The following COCH variants were observed in gnomAD, a reference collection of about 807,000 sequenced individuals.
COCH encodes cochlin, also known as coagulation factor C homolog, cochlin (Limulus polyphemus).
Under a neutral mutation model 54.8 loss-of-function variants are expected in COCH, and 40 were observed. That is an observed-to-expected ratio of 0.73 (90% CI 0.57 to 0.95). The LOEUF is 0.95. Ranked by LOEUF, COCH falls within the 40% of genes least tolerant of loss-of-function variation. The pLI, the probability that COCH is intolerant of heterozygous loss-of-function variation, is 0.00. For missense variants in COCH, 605 were observed against 675.0 expected, an observed-to-expected ratio of 0.90 and a Z score of 1.15; for synonymous variants, 256 against 237.9, an observed-to-expected ratio of 1.08 and a Z score of -0.70.
Position 30,886,169 on chromosome 14 carries a change from C to CAACAT in COCH, c.1334_1335insAACAT (p.Gly447LeufsTer17). ...ATCCGCTATATGAGTGGTGGAACAG[C>CAACAT]TACTGGTGATGCCATTTCCTTCACT... On this transcript the variant is annotated frameshift_variant, in exon 11 of 12. Transcript: ENST00000396618. LOFTEE classifies it high-confidence loss of function. 6.2e-7 allele frequency: 1 copy of CAACAT among 1,610,732 alleles called. No homozygotes were observed. Among genetic ancestry groups the CAACAT allele is most frequent in the Non-Finnish European group, 8.5e-7 (1 of 1,177,380 alleles).
chr14:30,877,339 A>C lies in COCH; in HGVS notation c.83-233A>C, dbSNP rs1019014053. On this transcript the variant is annotated intron_variant, in intron 3 of 11. Coordinates refer to ENST00000396618, the MANE Select transcript of COCH (RefSeq NM_004086.3). The surrounding 1 kb of genome is among the most constrained non-coding windows in gnomAD (Gnocchi z 8.6). Reference sequence around the variant, plus strand: ...TTTCAAAAACAAAAACGAAATAAAAACCCAGAACTTTCACATTAGAGTTTT... The same window carrying C: ...TTTCAAAAACAAAAACGAAATAAAACCCCAGAACTTTCACATTAGAGTTTT... 5 of 520,790 alleles carry C rather than the reference A, an allele frequency of 9.6e-6. 1 individual carries two copies. Among genetic ancestry groups the C allele is most frequent in the Non-Finnish European group, 1.7e-5 (5 of 296,720 alleles). 32.3% of individuals were successfully genotyped at this position (520,790 alleles called of 1,614,324 possible). A position where few individuals can be genotyped will look rare whatever the true frequency, so the allele number is the denominator to read the frequency against.
chr14:30,886,321 CT>C lies in COCH; in HGVS notation c.1477+11del. 6.2e-7 allele frequency: 1 copy of C among 1,613,924 alleles called. No individual in the cohort carries two copies. Among genetic ancestry groups the C allele is most frequent in the Non-Finnish European group, 8.5e-7 (1 of 1,179,964 alleles). ...TGCTGCACATGATGCAGGTAAGGTC[CT>C]TGTTCTTTATAGGAGAAGGGAACAG... On this transcript the variant is annotated intron_variant, in intron 11 of 11. Transcript: ENST00000396618.
In COCH at chr14:30,882,775, G is replaced by A. The variant is rs184805146; in HGVS notation, c.630-1778G>A. Among the ~76,000 whole-genome samples, 23 of 152,238 alleles carry A rather than the reference G, an allele frequency of 1.5e-4. No individual in the cohort carries two copies. In the East Asian group the frequency reaches 3.9e-3, roughly 26 times the overall value. On this transcript the variant is annotated intron_variant, in intron 8 of 11. Transcript: ENST00000396618. Reference sequence around the variant, plus strand: ...ACAGTGGCTCATGCCTGTAGTGCCAGCTGCTCAGGAGGCTGAGGTGTGAGG... The same window carrying A: ...ACAGTGGCTCATGCCTGTAGTGCCAACTGCTCAGGAGGCTGAGGTGTGAGG...
In COCH at chr14:30,889,983, T is replaced by TA; in HGVS notation, c.*197dup. The TA allele has an allele frequency of 7.5e-7, 1 of 1,334,356 alleles. No homozygotes were observed. Among genetic ancestry groups the TA allele is most frequent in the South Asian group, 1.9e-5 (1 of 52,372 alleles). The allele number at this position is 1,334,356 out of a possible 1,614,324, so 82.7% of individuals were successfully genotyped here. On this transcript the variant is annotated 3_prime_UTR_variant, in exon 12 of 12. Coordinates refer to ENST00000396618, the MANE Select transcript of COCH (RefSeq NM_004086.3). ...GGTTACAATTTACAGTGTACTTTGT[T>TA]AAAAACACTGCTGAGGCTTCATAAT...
rs751416019 is a variant in COCH, at chr14:30,885,633, G to C, written c.960+13G>C. On this transcript the variant is annotated intron_variant, in intron 10 of 11. Coordinates refer to ENST00000396618, the MANE Select transcript of COCH (RefSeq NM_004086.3). ...ATTTGTTGACAAGGTAAAGTGGTGA[G>C]GGTTATCTTCTGTTACAGTGATGGG... The C allele has an allele frequency of 6.5e-7, 1 of 1,543,412 alleles. No homozygotes were observed. Among genetic ancestry groups the C allele is most frequent in the Non-Finnish European group, 9.0e-7 (1 of 1,115,602 alleles).
At position 30,878,740 on chromosome 14, in the gene COCH, T is replaced by C. The variant is rs1276075198; in HGVS notation, c.240-71T>C. The C allele has an allele frequency of 1.2e-5, 20 of 1,606,508 alleles. No individual in the cohort carries two copies. The South Asian group carries it at 2.1e-4, about 17-fold the overall frequency. On this transcript the variant is annotated intron_variant, in intron 4 of 11. Coordinates refer to ENST00000396618, the MANE Select transcript of COCH (RefSeq NM_004086.3). ...ATTAATCAAAGCAATAGATACAACA[T>C]GGCACTATAAGTCAGTGGGATGCCC...
In COCH at chr14:30,877,838, T is replaced by C; in HGVS notation, c.239+110T>C. 2 of 1,544,862 alleles carry C rather than the reference T, an allele frequency of 1.3e-6. No homozygotes were observed. Among genetic ancestry groups the C allele is most frequent in the Non-Finnish European group, 1.8e-6 (2 of 1,138,042 alleles). The stretch of plus-strand genomic sequence containing the variant: ...CCTGCATTCTTTCTTTTGTTGCCAT[T>C]GTGGCCACAGAAAATGGATATATTT... On this transcript the variant is annotated intron_variant, in intron 4 of 11. Coordinates refer to ENST00000396618, the MANE Select transcript of COCH (RefSeq NM_004086.3). The surrounding 1 kb of genome is among the most constrained non-coding windows in gnomAD (Gnocchi z 8.6).
intron 11 of COCH, 162 bp from the exon 12 acceptor site, chr14:30,889,454 A>C: frequency 1.5e-6 from 1 of 660,256 alleles, no homozygotes; most frequent in Non-Finnish European, 2.6e-6. Flanking sequence ...CTCTCGTCAC[A>C]ATGACTGTGA....
At chr14:30,894,893 CTTTTTTTTT>C (rs34255465), downstream of COCH, 1 of 708,550 alleles carries the variant, frequency 1.4e-6, no homozygotes, top group Middle Eastern at 4.6e-4. Flanking sequence ...TTTTCTTTTT[CTTTTTTTTT>C]TTTTTTAAAG....
chr14:30,895,053 CAAAAAAAAAAAAA>C (rs35858438), downstream of COCH: 90 of 26,564 alleles, frequency 3.4e-3, 3 homozygotes, highest in African/African-American at 0.014. Context: ...ACACAGAGTC[CAAAAAAAAAAAAA>C]AAAAAAAAAA....
At chr14:30,878,337 A>T (rs1895444275) in intron 4 of COCH, among the ~76,000 whole-genome samples, 1 of 152,138 alleles carries the variant, frequency 6.6e-6, no homozygotes, top group South Asian at 2.1e-4. Flanking sequence ...TTTCCAGGCA[A>T]ATTTTGTTCT....
At chr14:30,891,514 A>AAAAT (rs1266089078), downstream of COCH, among the ~76,000 whole-genome samples, 3 of 152,236 alleles carry the variant, frequency 2.0e-5, no homozygotes, top group African/African-American at 7.2e-5. Flanking sequence ...TTTGAATTTG[A>AAAAT]AAATAGAGTT....
chr14:30,888,856 T>C (rs1895884399), intron 11 of COCH, among the ~76,000 whole-genome samples: 2 of 151,364 alleles, frequency 1.3e-5, no homozygotes, highest in Non-Finnish European at 2.9e-5. Flanking sequence ...ATCCAACTAA[T>C]GTATTATTAC....
At position 30,885,790 on chromosome 14, in the gene COCH, C is replaced by CATTA. The variant is rs766663765; in HGVS notation, c.961-5_961-2dup. 1 of 1,613,882 alleles carries CATTA rather than the reference C, an allele frequency of 6.2e-7. No homozygotes were observed. Among genetic ancestry groups the CATTA allele is most frequent in the Non-Finnish European group, 8.5e-7 (1 of 1,179,888 alleles). On this transcript the variant is annotated splice_polypyrimidine_tract_variant and splice_region_variant and intron_variant, in intron 10 of 11. Coordinates refer to ENST00000396618, the MANE Select transcript of COCH (RefSeq NM_004086.3). ...TTGGATATCTTTTATGTGTCTCCCC[C>CATTA]ATTAGGCTGTCTGTCGGAATAATGG...
At chr14:30,875,603 A>C in intron 3 of COCH, 3 of 364,472 alleles carry the variant, frequency 8.2e-6, no homozygotes, top group African/African-American at 2.1e-5. Context: ...TAACCCCTAT[A>C]ATCAGAAGCA....
Position 30,890,457 on chromosome 14 carries a change from T to A in COCH, c.*666T>A. 4.2e-6 allele frequency: 4 copies of A among 951,950 alleles called. No individual in the cohort carries two copies. The highest frequency in any genetic ancestry group is 5.0e-6 in the Non-Finnish European group (4 of 799,454). 59.0% of individuals were successfully genotyped at this position (951,950 alleles called of 1,614,324 possible). On this transcript the variant is annotated 3_prime_UTR_variant, in exon 12 of 12. Coordinates refer to ENST00000396618, the MANE Select transcript of COCH (RefSeq NM_004086.3). Reference sequence around the variant, plus strand: ...TTAATTTTATATGTATATAGATATATTTGGCTTATATTCTAAGTCACCTAA... The same window carrying A: ...TTAATTTTATATGTATATAGATATAATTGGCTTATATTCTAAGTCACCTAA...
rs1895424161 is a variant in COCH at position 30,877,818 on chromosome 14, ATTCT to A, written c.239+97_239+100del. 1.3e-6 allele frequency: 2 copies of A among 1,591,708 alleles called. No homozygotes were observed. Among genetic ancestry groups the A allele is most frequent in the Non-Finnish European group, 1.7e-6 (2 of 1,170,670 alleles). On this transcript the variant is annotated intron_variant, in intron 4 of 11. Transcript: ENST00000396618. This position sits in a 1 kb window ranked among gnomAD's most constrained non-coding sequence, Gnocchi z 8.6. ...CCATCTGGATCCCTTTCCTCCCTGC[ATTCT>A]TTCTTTTGTTGCCATTGTGGCCACA...
chr14:30,889,318 T>C (rs1895901781), intron 11 of COCH: 1 of 352,392 alleles, frequency 2.8e-6, no homozygotes, highest in Non-Finnish European at 5.4e-6. Context: ...TCCTAGTTTA[T>C]AGGTGTGTTC....
Position 30,885,799 on chromosome 14 carries a change from G to A in COCH, c.964G>A (p.Val322Ile). Residue 322 changes from valine to isoleucine, a missense_variant, in exon 11 of 12, where the codon GTC becomes ATC. Transcript: ENST00000396618. ...TTTTATGTGTCTCCCCCATTAGGCT[G>A]TCTGTCGGAATAATGGCTTCTTCTC... ...VQDVTFVDKA[V>I]CRNNGFFSYH... 6.2e-7 allele frequency: 1 copy of A among 1,613,980 alleles called. No homozygotes were observed. The highest frequency in any genetic ancestry group is 8.5e-7 in the Non-Finnish European group (1 of 1,179,984).
Sources: allele counts gnomAD v4.1 joint callset (sites outside exome capture counted in the v4.1 genomes callset), GRCh38; gene constraint gnomAD v4.1.1; non-coding constraint Gnocchi (gnomAD v3.1); transcripts MANE v1.5; gene names NCBI Gene and HGNC (gene_info 2026-07-23, HGNC 2026-07-21).